Variants in MED12L observed in about 807,000 individuals in gnomAD.
MED12L encodes the protein mediator complex subunit 12L.
MED12L carries 60 observed loss-of-function variants against 281.3 expected under a neutral mutation model. The ratio of observed to expected loss-of-function variants is 0.21; its 90% CI spans 0.17 to 0.26. The LOEUF (loss-of-function observed/expected upper bound fraction) is 0.26, where lower values mean the gene tolerates loss of function less well. Among genes scored for constraint, MED12L ranks in the 10% least tolerant of loss-of-function variants. The pLI, the probability that MED12L is intolerant of heterozygous loss-of-function variation, is 1.00. For missense variants in MED12L, 2,146 were observed against 2,680.9 expected, an observed-to-expected ratio of 0.80 and a Z score of 4.41; for synonymous variants, 974 against 987.2, an observed-to-expected ratio of 0.99 and a Z score of 0.25.
Position 151,436,617 on chromosome 3 carries a change from A to C in MED12L, c.*3813A>C. On this transcript the variant is annotated 3_prime_UTR_variant, in exon 45 of 45. Transcript: ENST00000687756. ...TGTATTCAAATTCATTTACATGCCT[A>C]TGGCTGCCTTTGATTAAACTTCTTC... The C allele has an allele frequency of 9.6e-7, 1 of 1,037,118 alleles. No homozygotes were observed. Among genetic ancestry groups the C allele is most frequent in the African/African-American group, 1.6e-5 (1 of 62,482 alleles). The allele number at this position is 1,037,118 out of a possible 1,614,324, so 64.2% of individuals were successfully genotyped here.
intron 2 of MED12L, among the ~76,000 whole-genome samples, chr3:151,092,963 G>A (rs1373764807): frequency 6.6e-6 from 1 of 152,186 alleles, no homozygotes; most frequent in Non-Finnish European, 1.5e-5. Context: ...CAAACTCTAT[G>A]GCCAGGGAGG....
chr3:151,338,400 C>A, intron 16 of MED12L: 1 of 1,614,106 alleles, frequency 6.2e-7, no homozygotes, highest in Non-Finnish European at 8.5e-7. Flanking sequence ...CATGAATGCC[C>A]AGATGACAAC....
intron 16 of MED12L, among the ~76,000 whole-genome samples, chr3:151,331,464 C>G (rs2149883731): frequency 6.6e-6 from 1 of 152,256 alleles, no homozygotes; most frequent in African/African-American, 2.4e-5. Context: ...ATAGTATTTG[C>G]TTTACAGTGT....
At chr3:151,275,461 C>T (rs1464675331) in intron 16 of MED12L, among the ~76,000 whole-genome samples, 1 of 152,050 alleles carries the variant, frequency 6.6e-6, no homozygotes, top group Non-Finnish European at 1.5e-5. Flanking sequence ...AAATAAAAAG[C>T]TAGCAATTTA....
At chr3:151,332,697 A>T (rs367980678) in intron 16 of MED12L, among the ~76,000 whole-genome samples, 127 of 152,170 alleles carry the variant, frequency 8.3e-4, no homozygotes, top group African/African-American at 2.9e-3. Flanking sequence ...TATGTATTGG[A>T]TTTTTGTTTC....
chr3:151,326,741 G>T (rs1749644562), intron 16 of MED12L: 1 of 152,216 alleles, frequency 6.6e-6, no homozygotes, highest in African/African-American at 2.4e-5. Context: ...GAAAACGTGG[G>T]CTTCACCCTA....
At chr3:151,302,472 G>A (rs1746069976) in intron 16 of MED12L, among the ~76,000 whole-genome samples, 1 of 152,130 alleles carries the variant, frequency 6.6e-6, no homozygotes, top group Admixed American at 6.5e-5. Flanking sequence ...CTACTTTATA[G>A]TATCTAGCAT....
chr3:151,175,398 T>C (rs562008897), intron 11 of MED12L, among the ~76,000 whole-genome samples: 1 of 152,254 alleles, frequency 6.6e-6, no homozygotes. Flanking sequence ...TTCAGTATCT[T>C]ACGTCCTTTT....
Position 151,362,739 on chromosome 3 carries a change from G to C in MED12L, c.2957+2134G>C, listed in dbSNP as rs547085962. On this transcript the variant is annotated intron_variant, in intron 21 of 44. Coordinates refer to ENST00000687756, the MANE Select transcript of MED12L (RefSeq NM_001393769.1). ...TGAAAAAAAAATCTGTTGAATGATA[G>C]TTATATCTAAGACAATTCATGTTTT... is the stretch of plus-strand genomic sequence containing the variant. Among the ~76,000 whole-genome samples, 103 of 152,206 alleles carry C rather than the reference G, an allele frequency of 6.8e-4. 1 individual carries two copies. Among genetic ancestry groups the C allele is most frequent in the African/African-American group, 2.4e-3 (100 of 41,556 alleles).
chr3:151,327,126 A>G (rs1749707839), intron 16 of MED12L: 1 of 152,202 alleles, frequency 6.6e-6, no homozygotes, highest in African/African-American at 2.4e-5. Context: ...AGTCAAGAAT[A>G]TAGCTAACTA....
intron 39 of MED12L, among the ~76,000 whole-genome samples, chr3:151,396,237 G>T (rs1465226554): frequency 6.6e-6 from 1 of 152,180 alleles, no homozygotes; most frequent in Admixed American, 6.5e-5. Context: ...AGCAAAAATA[G>T]AGTTATACTA....
At chr3:151,329,877 C>T (rs550648914) in intron 16 of MED12L, among the ~76,000 whole-genome samples, 46 of 152,098 alleles carry the variant, frequency 3.0e-4, no homozygotes, top group Non-Finnish European at 5.6e-4. Context: ...ATAAGACTAC[C>T]TAAAATCAGA....
At chr3:151,198,641 C>T in intron 16 of MED12L, 1 of 1,614,024 alleles carries the variant, frequency 6.2e-7, no homozygotes, top group Non-Finnish European at 8.5e-7. Flanking sequence ...TTCTGTCTGG[C>T]TGAGGGTATA....
Position 151,151,738 on chromosome 3 carries a change from T to C in MED12L, c.557-4423T>C, listed in dbSNP as rs147473872. Among the ~76,000 whole-genome samples the C allele has an allele frequency of 1.8e-4, 27 of 152,290 alleles. No homozygotes were observed. In the East Asian group the frequency reaches 4.8e-3, roughly 27 times the overall value. ...ACAATAGTCACTCAAAGATGACTGATTACAGATCACCATAACAGACATAAT... is the reference window on the plus strand; with the variant it reads ...ACAATAGTCACTCAAAGATGACTGACTACAGATCACCATAACAGACATAAT... On this transcript the variant is annotated intron_variant, in intron 5 of 44. Coordinates refer to ENST00000687756, the MANE Select transcript of MED12L (RefSeq NM_001393769.1).
chr3:151,309,778 G>A (rs759154066), intron 16 of MED12L, among the ~76,000 whole-genome samples: 1 of 152,132 alleles, frequency 6.6e-6, no homozygotes, highest in Non-Finnish European at 1.5e-5. Context: ...GAGTACCTGC[G>A]GGCACAGAGT....
intron 26 of MED12L, among the ~76,000 whole-genome samples, chr3:151,371,241 AT>A (rs1394591670): frequency 6.6e-6 from 1 of 152,192 alleles, no homozygotes; most frequent in East Asian, 1.9e-4. Context: ...ACCAGGATAT[AT>A]TTTGAGTTAG....
At chr3:151,374,911 T>A (rs1023069465) in intron 27 of MED12L, among the ~76,000 whole-genome samples, 2 of 152,240 alleles carry the variant, frequency 1.3e-5, no homozygotes, top group African/African-American at 4.8e-5. Flanking sequence ...CCCTCCCATA[T>A]ATTTGTTTTA....
chr3:151,169,401 A>T (rs752608713), intron 11 of MED12L, among the ~76,000 whole-genome samples: 2 of 152,096 alleles, frequency 1.3e-5, no homozygotes, highest in Non-Finnish European at 2.9e-5. Flanking sequence ...GATTACAGGC[A>T]TGAGCCACCG....
chr3:151,343,339 C>T (rs1160760974), intron 16 of MED12L, among the ~76,000 whole-genome samples: 2 of 152,094 alleles, frequency 1.3e-5, no homozygotes, highest in African/African-American at 2.4e-5. Context: ...ATTTCTAAAC[C>T]TCTAGAAGGG....
Sources: allele counts gnomAD v4.1 joint callset (sites outside exome capture counted in the v4.1 genomes callset), GRCh38; gene constraint gnomAD v4.1.1; transcripts MANE v1.5; gene names NCBI Gene and HGNC (gene_info 2026-07-23, HGNC 2026-07-21).